The following IGLON5 variants were observed in gnomAD, a reference collection of about 807,000 sequenced individuals.
The protein encoded by IGLON5 is IgLON family member 5, also known as Ig-like domain-containing protein ENSP00000270642.
In IGLON5, 16 loss-of-function variants were observed where a neutral mutation model predicts 38.2. The ratio of observed to expected loss-of-function variants is 0.42; its 90% CI spans 0.28 to 0.64. The LOEUF is 0.64. IGLON5 is among the 30% of genes least tolerant of loss of function. The pLI is 0.23. For synonymous variants in IGLON5, 207 were observed against 216.4 expected (o/e 0.96, Z 0.38); for missense variants, 366 against 483.4 (o/e 0.76, Z 2.28).
chr19:51,315,004 G>A (rs1008468550), intron 1 of IGLON5, among the ~76,000 whole-genome samples: 1 of 152,102 alleles, frequency 6.6e-6, no homozygotes, highest in African/African-American at 2.4e-5. Context: ...CCCCAAAATA[G>A]AAACAAAATA....
At chr19:51,316,297 A>G (rs1984922414) in intron 1 of IGLON5, among the ~76,000 whole-genome samples, 1 of 145,552 alleles carries the variant, frequency 6.9e-6, no homozygotes, top group Admixed American at 6.8e-5. Flanking sequence ...GTGAGCCAAG[A>G]TGGTGCCACT....
intron 1 of IGLON5, among the ~76,000 whole-genome samples, chr19:51,314,187 A>AT (rs34052497): frequency 0.32 from 41,270 of 130,932 alleles, 7,134 homozygotes; most frequent in African/African-American, 0.48. Flanking sequence ...CACATTCACT[A>AT]TTTTTTTTTT....
chr19:51,316,973 C>T (rs1436467823), intron 1 of IGLON5, among the ~76,000 whole-genome samples: 2 of 149,654 alleles, frequency 1.3e-5, no homozygotes, highest in South Asian at 2.2e-4. Context: ...TTCCCACCTG[C>T]GTCTTCTGAG....
chr19:51,327,948 G>C lies in IGLON5; in HGVS notation c.922+62G>C. ...CGGGGCCGGGGGCGGGGCTAGGGAA[G>C]TGGAGACGCCGGGACCGCCCTTCAG... On this transcript the variant is annotated intron_variant, in intron 7 of 7. Coordinates refer to ENST00000270642, the MANE Select transcript of IGLON5 (RefSeq NM_001101372.3). The surrounding 1 kb of genome is among the most constrained non-coding windows in gnomAD (Gnocchi z 7.1). 1 of 1,435,430 alleles carries C rather than the reference G, an allele frequency of 7.0e-7. No individual in the cohort carries two copies. The highest frequency in any genetic ancestry group is 9.1e-7 in the Non-Finnish European group (1 of 1,093,860). The allele number at this position is 1,435,430 out of a possible 1,614,324, so 88.9% of individuals were successfully genotyped here.
rs1288081600 is a variant in IGLON5, at chr19:51,324,511, G to T, written c.391+617G>T. ...GAGAGACAGGACCTGGAGACAGAGAGAATCCAGGGGGATCCTGGCAAGCTC... is the reference window on the plus strand; with the variant it reads ...GAGAGACAGGACCTGGAGACAGAGATAATCCAGGGGGATCCTGGCAAGCTC... On this transcript the variant is annotated intron_variant, in intron 3 of 7. Coordinates refer to ENST00000270642, the MANE Select transcript of IGLON5 (RefSeq NM_001101372.3). The surrounding 1 kb of genome is among the most constrained non-coding windows in gnomAD (Gnocchi z 4.2). Among the ~76,000 whole-genome samples, 4 of 152,082 alleles carry T rather than the reference G, an allele frequency of 2.6e-5. No homozygotes were observed. Among genetic ancestry groups the T allele is most frequent in the African/African-American group, 9.7e-5 (4 of 41,418 alleles).
chr19:51,328,339 C>CAAAAAAA (rs767807401), intron 7 of IGLON5, among the ~76,000 whole-genome samples: 35 of 124,108 alleles, frequency 2.8e-4, no homozygotes, highest in African/African-American at 1.1e-3. Context: ...ATGTCTCTAC[C>CAAAAAAA]AAAAAAAAAA....
At position 51,319,884 on chromosome 19, in the gene IGLON5, T is replaced by TTG. The variant is rs563218515; in HGVS notation, c.80-2166_80-2165dup. On this transcript the variant is annotated intron_variant, in intron 1 of 7. Coordinates refer to ENST00000270642, the MANE Select transcript of IGLON5 (RefSeq NM_001101372.3). ...TTTGTATGCGTGTGATTGTATGTGT[T>TTG]TGTGTGTGTGTGTGTATGGGTGTAG... Among the ~76,000 whole-genome samples the TTG allele has an allele frequency of 1.5e-3, 223 of 149,844 alleles. 2 individuals are homozygous for TTG. The highest frequency in any genetic ancestry group is 4.9e-3 in the African/African-American group (200 of 40,856).
chr19:51,328,471 C>T (rs1985269022), intron 7 of IGLON5, among the ~76,000 whole-genome samples, 200 bp from the exon 8 acceptor site: 1 of 148,916 alleles, frequency 6.7e-6, no homozygotes, highest in Admixed American at 6.7e-5. Context: ...GAGATTGCGC[C>T]TGGGTGACAG....
intron 1 of IGLON5, among the ~76,000 whole-genome samples, chr19:51,315,303 C>A (rs899679974): frequency 6.6e-6 from 1 of 152,176 alleles, no homozygotes; most frequent in African/African-American, 2.4e-5. Flanking sequence ...AGATTTGAGT[C>A]CCAGCACTGC....
At chr19:51,313,744 G>T (rs1381749392) in intron 1 of IGLON5, among the ~76,000 whole-genome samples, 1 of 139,158 alleles carries the variant, frequency 7.2e-6, no homozygotes, top group Non-Finnish European at 1.5e-5. Context: ...TTGAGACAGG[G>T]TCTGACTTTC....
In IGLON5 at chr19:51,326,753, T is replaced by C; in HGVS notation, c.512-11T>C. On this transcript the variant is annotated splice_polypyrimidine_tract_variant and intron_variant, in intron 4 of 7. Transcript: ENST00000270642. Reference sequence around the variant, plus strand: ...TCCGGCCCCGCCCCCTCCTCCTCCTTCCCCCCACAGACGGCTTCACCTCGG... The same window carrying C: ...TCCGGCCCCGCCCCCTCCTCCTCCTCCCCCCCACAGACGGCTTCACCTCGG... 1 of 1,542,206 alleles carries C rather than the reference T, an allele frequency of 6.5e-7. No individual in the cohort carries two copies. Among genetic ancestry groups the C allele is most frequent in the Non-Finnish European group, 8.7e-7 (1 of 1,143,318 alleles).
intron 7 of IGLON5, 116 bp downstream of exon 7, chr19:51,328,002 T>C: frequency 9.1e-7 from 1 of 1,099,734 alleles, no homozygotes; most frequent in South Asian, 1.7e-5. Context: ...AGATGGACGC[T>C]GAGACTGAAA....
At position 51,328,950 on chromosome 19, in the gene IGLON5, C is replaced by G; in HGVS notation, c.*191C>G. On this transcript the variant is annotated 3_prime_UTR_variant, in exon 8 of 8. Coordinates refer to ENST00000270642, the MANE Select transcript of IGLON5 (RefSeq NM_001101372.3). ...GAACCCATCACTGTGAGGGATAACG[C>G]AAAATTATGCATCTTTCTACAGCCA... 2.0e-6 allele frequency: 1 copy of G among 502,274 alleles called. No homozygotes were observed. Among genetic ancestry groups the G allele is most frequent in the Non-Finnish European group, 3.5e-6 (1 of 283,048 alleles). The allele number at this position is 502,274 out of a possible 1,614,324, so 31.1% of individuals were successfully genotyped here. A position where few individuals can be genotyped will look rare whatever the true frequency, so the allele number is the denominator to read the frequency against.
At position 51,329,230 on chromosome 19, in the gene IGLON5, GAGGT is replaced by G. The variant is rs1985292635; in HGVS notation, c.*477_*480del. The G allele has an allele frequency of 6.5e-6, 1 of 153,432 alleles. No individual in the cohort carries two copies. The highest frequency in any genetic ancestry group is 2.0e-4 in the South Asian group (1 of 4,986). 9.5% of individuals were successfully genotyped at this position (153,432 alleles called of 1,614,324 possible). A position where few individuals can be genotyped will look rare whatever the true frequency, so the allele number is the denominator to read the frequency against. Reference sequence around the variant, plus strand: ...CCCTATTGCCTCTCACCTCTGGCTGGAGGTAGGTATGAGGCTCTGCAGTGGAAGC... The same window carrying G: ...CCCTATTGCCTCTCACCTCTGGCTGGAGGTATGAGGCTCTGCAGTGGAAGC... On this transcript the variant is annotated 3_prime_UTR_variant, in exon 8 of 8. Transcript: ENST00000270642. This position sits in a 1 kb window ranked among gnomAD's most constrained non-coding sequence, Gnocchi z 4.3.
At chr19:51,323,211 G>T (rs1985120742) in intron 2 of IGLON5, among the ~76,000 whole-genome samples, 1 of 129,922 alleles carries the variant, frequency 7.7e-6, no homozygotes, top group Non-Finnish European at 1.6e-5. Flanking sequence ...TCTCTCTCCG[G>T]GTCTCTGTCC....
At chr19:51,319,302 T>C (rs996825203) in intron 1 of IGLON5, among the ~76,000 whole-genome samples, 4 of 96,376 alleles carry the variant, frequency 4.2e-5, no homozygotes, top group South Asian at 5.5e-4. Context: ...CCTGTGTGTG[T>C]GCGTGTGTGT....
rs775145455 is a variant in IGLON5 at position 51,322,403 on chromosome 19, CCCAGAGAGAAGGGGACAGAGAT to C, written c.158+332_158+353del. On this transcript the variant is annotated intron_variant, in intron 2 of 7. Coordinates refer to ENST00000270642, the MANE Select transcript of IGLON5 (RefSeq NM_001101372.3). Reference sequence around the variant, plus strand: ...ACCCAGAGAGAGAGAGGGACAGAGACCCAGAGAGAAGGGGACAGAGATCCAGAGAGAAGGGGACAGAGATCCA... The same window carrying C: ...ACCCAGAGAGAGAGAGGGACAGAGACCCAGAGAGAAGGGGACAGAGATCCA... Among the ~76,000 whole-genome samples, 527 of 144,108 alleles carry C rather than the reference CCCAGAGAGAAGGGGACAGAGAT, an allele frequency of 3.7e-3. 28 individuals are homozygous for C. Among genetic ancestry groups the C allele is most frequent in the African/African-American group, 0.014 (468 of 34,642 alleles). The allele number at this position is 144,108 out of a possible 152,430, so 94.5% of individuals were successfully genotyped here.
At chr19:51,317,078 C>A (rs1324632418) in intron 1 of IGLON5, among the ~76,000 whole-genome samples, 1 of 152,182 alleles carries the variant, frequency 6.6e-6, no homozygotes, top group African/African-American at 2.4e-5. Flanking sequence ...AGAAGATTCT[C>A]ACCCCCAGCC....
At chr19:51,322,968 CCTCTCTCTGGGTCTCTGTCTCT>C (rs1568458715) in intron 2 of IGLON5, among the ~76,000 whole-genome samples, 1 of 139,770 alleles carries the variant, frequency 7.2e-6, no homozygotes, top group African/African-American at 2.7e-5. Flanking sequence ...TCTCTGTCCC[CCTCTCTCTGGGTCTCTGTCTCT>C]CTCTCTCTGG....
Sources: gnomAD v4.1 joint callset for allele counts (sites outside exome capture counted in the v4.1 genomes callset) on GRCh38, gnomAD v4.1.1 for gene constraint, Gnocchi (gnomAD v3.1) non-coding constraint, MANE v1.5 for transcripts, NCBI Gene and HGNC (gene_info 2026-07-23, HGNC 2026-07-21) for gene names.